IMMP2L: variants seen among roughly 807,000 people sequenced by gnomAD.
IMMP2L encodes the protein inner mitochondrial membrane peptidase subunit 2.
Under a neutral mutation model 19.3 loss-of-function variants are expected in IMMP2L, and 18 were observed. The observed-to-expected ratio is 0.93, with a 90% CI of 0.64 to 1.38. The LOEUF is 1.38. Among genes scored for constraint, IMMP2L ranks in the 40% most tolerant of loss-of-function variants. The pLI is 0.00. For synonymous variants in IMMP2L, 76 were observed against 73.0 expected, an observed-to-expected ratio of 1.04 and a Z score of -0.21; for missense variants, 233 against 218.2, an observed-to-expected ratio of 1.07 and a Z score of -0.43.
chr7:111,041,355 T>G (rs1014665964), intron 3 of IMMP2L, among the ~76,000 whole-genome samples: 1 of 152,048 alleles, frequency 6.6e-6, no homozygotes, highest in African/African-American at 2.4e-5. Flanking sequence ...AGTCTAAGCA[T>G]GTACTTCTGT....
intron 3 of IMMP2L, among the ~76,000 whole-genome samples, chr7:111,261,449 G>A (rs1200188466): frequency 6.6e-6 from 1 of 152,100 alleles, no homozygotes; most frequent in African/African-American, 2.4e-5. Flanking sequence ...GCTATTACCA[G>A]TCTAAATTCC....
intron 5 of IMMP2L, among the ~76,000 whole-genome samples, chr7:110,826,439 A>C (rs927000729): frequency 1.3e-5 from 2 of 152,180 alleles, no homozygotes; most frequent in African/African-American, 4.8e-5. Flanking sequence ...AACCAACCCA[A>C]ATGTCCATCA....
At chr7:111,124,505 A>G (rs758479977) in intron 3 of IMMP2L, 41 of 1,613,958 alleles carry the variant, frequency 2.5e-5, no homozygotes, top group Non-Finnish European at 3.3e-5. Context: ...GTCAAGGTAT[A>G]TAATCTTACT....
chr7:111,520,542 G>A (rs1471055078), intron 2 of IMMP2L, among the ~76,000 whole-genome samples: 1 of 151,848 alleles, frequency 6.6e-6, no homozygotes, highest in Non-Finnish European at 1.5e-5. Context: ...AATTAAGCTG[G>A]TTATTCTCTG....
intron 5 of IMMP2L, among the ~76,000 whole-genome samples, chr7:110,768,935 CTA>C (rs1485513215): frequency 3.3e-5 from 5 of 152,080 alleles, no homozygotes; most frequent in Non-Finnish European, 7.4e-5. Flanking sequence ...GTAATAATGA[CTA>C]TTGATTGCTT....
chr7:110,698,191 T>C (rs762398468), intron 5 of IMMP2L, among the ~76,000 whole-genome samples: 3 of 152,258 alleles, frequency 2.0e-5, no homozygotes, highest in Non-Finnish European at 4.4e-5. Flanking sequence ...ACTGACTATG[T>C]ACTAGCAGAA....
chr7:110,755,952 T>C (rs547449612), intron 5 of IMMP2L, among the ~76,000 whole-genome samples: 9 of 152,164 alleles, frequency 5.9e-5, no homozygotes, highest in African/African-American at 1.9e-4. Context: ...AAGGAGGTCA[T>C]TCATGCTATA....
chr7:111,030,882 GTGTATATATATATATATA>G (rs751943152), intron 3 of IMMP2L, among the ~76,000 whole-genome samples: 2,060 of 50,768 alleles, frequency 0.041, 67 homozygotes, highest in East Asian at 0.18. Flanking sequence ...GTGTGTGTGT[GTGTATATATATATATATA>G]TATATATATA....
At chr7:111,540,085 T>C (rs1225226467) in intron 1 of IMMP2L, among the ~76,000 whole-genome samples, 1 of 152,208 alleles carries the variant, frequency 6.6e-6, no homozygotes, top group African/African-American at 2.4e-5. Context: ...CTATGTTTCA[T>C]ATACTGTAAA....
At chr7:111,085,818 A>C (rs1426656833) in intron 3 of IMMP2L, among the ~76,000 whole-genome samples, 2 of 152,188 alleles carry the variant, frequency 1.3e-5, no homozygotes, top group African/African-American at 4.8e-5. Flanking sequence ...AAAAAAGAAC[A>C]AGATCATGTC....
chr7:110,980,411 G>T (rs1459606855), intron 3 of IMMP2L, among the ~76,000 whole-genome samples: 1 of 151,458 alleles, frequency 6.6e-6, no homozygotes, highest in African/African-American at 2.4e-5. Flanking sequence ...TGTATTTTTA[G>T]TAGAGACGGG....
chr7:111,506,777 T>C (rs1844948117), intron 2 of IMMP2L, among the ~76,000 whole-genome samples: 1 of 152,188 alleles, frequency 6.6e-6, no homozygotes, highest in Admixed American at 6.5e-5. Flanking sequence ...GTTTACAATA[T>C]ATTTTGTCTA....
intron 5 of IMMP2L, among the ~76,000 whole-genome samples, chr7:110,673,397 G>C (rs749753086): frequency 6.6e-6 from 1 of 152,242 alleles, no homozygotes; most frequent in Non-Finnish European, 1.5e-5. Flanking sequence ...GGGCTGCCAT[G>C]ATGGTCTCTG....
At chr7:111,149,658 A>T (rs914116920) in intron 3 of IMMP2L, among the ~76,000 whole-genome samples, 1 of 152,184 alleles carries the variant, frequency 6.6e-6, no homozygotes, top group South Asian at 2.1e-4. Flanking sequence ...ATTTTCCAAC[A>T]TATATAGGAA....
intron 3 of IMMP2L, among the ~76,000 whole-genome samples, chr7:111,119,377 G>T (rs889426943): frequency 6.6e-6 from 1 of 152,126 alleles, no homozygotes; most frequent in African/African-American, 2.4e-5. Context: ...TTTTACTAAA[G>T]AAATCAACCA....
intron 5 of IMMP2L, among the ~76,000 whole-genome samples, chr7:110,861,310 T>C (rs1807406704): frequency 6.6e-6 from 1 of 151,910 alleles, no homozygotes; most frequent in African/African-American, 2.4e-5. Context: ...GGGTCTTGCG[T>C]CGGCTGCACT....
intron 3 of IMMP2L, among the ~76,000 whole-genome samples, chr7:111,239,413 T>C (rs1814733351): frequency 6.6e-6 from 1 of 151,886 alleles, no homozygotes; most frequent in Non-Finnish European, 1.5e-5. Context: ...AAATTTGAAT[T>C]TAATGCTCTC....
At chr7:111,098,590 T>C (rs1026474000) in intron 3 of IMMP2L, among the ~76,000 whole-genome samples, 2 of 151,780 alleles carry the variant, frequency 1.3e-5, no homozygotes, top group African/African-American at 4.8e-5. Flanking sequence ...ATGGTAATAA[T>C]ACTGGCAGAT....
chr7:110,921,368 G>A (rs764182265), intron 4 of IMMP2L, among the ~76,000 whole-genome samples: 4 of 152,160 alleles, frequency 2.6e-5, no homozygotes, highest in Non-Finnish European at 4.4e-5. Context: ...GAGAGTGGTA[G>A]CTGCAGGCAC....
Sources: allele counts gnomAD v4.1 joint callset (sites outside exome capture counted in the v4.1 genomes callset), GRCh38; gene constraint gnomAD v4.1.1; transcripts MANE v1.5; gene names NCBI Gene and HGNC (gene_info 2026-07-23, HGNC 2026-07-21).